The following ADGRV1 variants were observed in gnomAD, a reference collection of about 807,000 sequenced individuals.
ADGRV1 encodes G-protein coupled receptor 98.
A neutral mutation model predicts 596.2 loss-of-function variants in ADGRV1; 359 were observed. The ratio of observed to expected loss-of-function variants is 0.60; its 90% CI spans 0.55 to 0.66. ADGRV1 has a LOEUF of 0.66. Among genes scored for constraint, ADGRV1 ranks in the 30% least tolerant of loss-of-function variants. The probability of loss-of-function intolerance (pLI) is 0.00; values close to 1 mark genes in which losing one functional copy is unlikely to be tolerated. For missense variants in ADGRV1, 7,274 were observed against 7,575.6 expected, an observed-to-expected ratio of 0.96 and a Z score of 1.48; for synonymous variants, 2,681 against 2,679.2, an observed-to-expected ratio of 1.00 and a Z score of -0.02.
chr5:90,657,896 T>C lies in ADGRV1; in HGVS notation c.4379-9T>C. ...GTATTGTAGCATTTAAACTTGTCTCTAATTTCAGGTCCTGGGATACTGAGA... is the reference window on the plus strand; with the variant it reads ...GTATTGTAGCATTTAAACTTGTCTCCAATTTCAGGTCCTGGGATACTGAGA... On this transcript the variant is annotated splice_polypyrimidine_tract_variant and intron_variant, in intron 20 of 89. Coordinates refer to ENST00000405460, the MANE Select transcript of ADGRV1 (RefSeq NM_032119.4). 6.3e-7 allele frequency: 1 copy of C among 1,593,676 alleles called. No homozygotes were observed. The highest frequency in any genetic ancestry group is 8.6e-7 in the Non-Finnish European group (1 of 1,167,462).
In ADGRV1 at chr5:90,643,052, T is replaced by A. The variant is rs73181640; in HGVS notation, c.2553+11T>A. On this transcript the variant is annotated intron_variant, in intron 13 of 89. Coordinates refer to ENST00000405460, the MANE Select transcript of ADGRV1 (RefSeq NM_032119.4). ...GATGGGATACCAGAGGTATGGGATT[T>A]TATATTTTCTTTGTGTTTCTCTGTA... The A allele has an allele frequency of 3.6e-3, 5,843 of 1,602,940 alleles. 63 individuals are homozygous for A. The highest frequency in any genetic ancestry group is 0.032 in the Middle Eastern group (191 of 6,042).
At chr5:90,651,309 G>T (rs1425202081) in intron 17 of ADGRV1, among the ~76,000 whole-genome samples, 1 of 152,138 alleles carries the variant, frequency 6.6e-6, no homozygotes, top group East Asian at 1.9e-4. Context: ...AGAAAAGTGT[G>T]TTTTTCAATA....
intron 77 of ADGRV1, among the ~76,000 whole-genome samples, chr5:90,831,628 C>T (rs572538792): frequency 2.0e-5 from 3 of 151,986 alleles, no homozygotes; most frequent in South Asian, 4.2e-4. Context: ...TGACTATAGT[C>T]GTGCTGTTGT....
intron 85 of ADGRV1, among the ~76,000 whole-genome samples, chr5:91,037,949 T>G (rs1440817122): frequency 6.6e-6 from 1 of 152,208 alleles, no homozygotes; most frequent in African/African-American, 2.4e-5. Context: ...TTATTAAAAT[T>G]ATTGTCCAAA....
In ADGRV1 at chr5:90,761,680, C is replaced by T. The variant is rs192262681; in HGVS notation, c.12121-1625C>T. On this transcript the variant is annotated intron_variant, in intron 58 of 89. Transcript: ENST00000405460. ...GCACACTTGTTCTGGGAAATAATAT[C>T]GTTACAGCTACAAATTTTCAATTTG... Among the ~76,000 whole-genome samples, 11 of 152,242 alleles carry T rather than the reference C, an allele frequency of 7.2e-5. No homozygotes were observed. The East Asian group carries it at 1.9e-3, about 27-fold the overall frequency.
intron 85 of ADGRV1, among the ~76,000 whole-genome samples, chr5:91,030,531 A>G (rs564073954): frequency 1.3e-5 from 2 of 151,464 alleles, no homozygotes; most frequent in East Asian, 1.9e-4. Context: ...TGGTCTAGCC[A>G]TGTTTTCTAT....
chr5:90,898,149 G>A (rs2150620445), intron 83 of ADGRV1, among the ~76,000 whole-genome samples: 1 of 152,256 alleles, frequency 6.6e-6, no homozygotes, highest in African/African-American at 2.4e-5. Flanking sequence ...ACATTTATAT[G>A]TATTAATCCC....
At chr5:90,627,147 C>T in intron 6 of ADGRV1, 64 bp from the exon 7 acceptor site, 1 of 859,298 alleles carries the variant, frequency 1.2e-6, no homozygotes. Context: ...ACTTGTTACA[C>T]TTTAGTTTAT....
chr5:91,069,964 C>G (rs1039370920), intron 85 of ADGRV1, among the ~76,000 whole-genome samples: 3 of 149,644 alleles, frequency 2.0e-5, no homozygotes, highest in Admixed American at 6.6e-5. Context: ...TCCTTTGCGA[C>G]AGCATGGATG....
At chr5:91,046,710 A>G (rs1036282390) in intron 85 of ADGRV1, among the ~76,000 whole-genome samples, 6 of 152,218 alleles carry the variant, frequency 3.9e-5, no homozygotes, top group African/African-American at 1.4e-4. Flanking sequence ...AGAAGGAACA[A>G]TCAGTGGAGT....
intron 1 of ADGRV1, among the ~76,000 whole-genome samples, chr5:90,591,589 G>A (rs1470349874): frequency 1.3e-5 from 2 of 152,086 alleles, no homozygotes; most frequent in Non-Finnish European, 2.9e-5. Flanking sequence ...CTAAAGGAAA[G>A]GCATAATTGC....
intron 85 of ADGRV1, among the ~76,000 whole-genome samples, chr5:91,065,555 T>C (rs776344834): frequency 1.1e-4 from 16 of 152,220 alleles, no homozygotes; most frequent in Non-Finnish European, 2.1e-4. Context: ...CCAGTATTTT[T>C]AGTGGTTGTA....
chr5:90,973,809 T>A (rs187438186), intron 84 of ADGRV1, among the ~76,000 whole-genome samples: 2,498 of 152,252 alleles, frequency 0.016, 66 homozygotes, highest in African/African-American at 0.056. Flanking sequence ...GGATGCCCTC[T>A]CTCACCACTC....
At chr5:90,957,973 T>G (rs750548223) in intron 83 of ADGRV1, among the ~76,000 whole-genome samples, 7 of 151,870 alleles carry the variant, frequency 4.6e-5, no homozygotes, top group Non-Finnish European at 8.8e-5. Context: ...AAGGATGACT[T>G]AAAATTCAAA....
At chr5:90,683,459 G>A in intron 27 of ADGRV1, 127 bp from the exon 28 acceptor site, 1 of 731,582 alleles carries the variant, frequency 1.4e-6, no homozygotes, top group Non-Finnish European at 2.2e-6. Flanking sequence ...GCCTGCAGCA[G>A]TCTTGTAGTC....
At chr5:90,848,050 C>CT (rs1315833919) in intron 78 of ADGRV1, among the ~76,000 whole-genome samples, 4 of 152,056 alleles carry the variant, frequency 2.6e-5, no homozygotes, top group Non-Finnish European at 5.9e-5. Context: ...ATTTTTCCTC[C>CT]TTTTTTCCCC....
Position 90,791,166 on chromosome 5 carries a change from T to C in ADGRV1, c.14337T>C (p.Leu4779=). 6.2e-7 allele frequency: 1 copy of C among 1,613,988 alleles called. No homozygotes were observed. Among genetic ancestry groups the C allele is most frequent in the Non-Finnish European group, 8.5e-7 (1 of 1,179,888 alleles). ...DRQSILIGQN[L]IRSIQINITR... is the part of the protein sequence containing the mutation. The stretch of plus-strand genomic sequence containing the variant: ...AGTCAATACTTATTGGGCAGAACCT[T>C]ATTAGATCCATCCAAATTAACATAA... The change falls in exon 70 of 90, where the codon CTT becomes CTC. Residue 4779 remains leucine, a synonymous_variant. Coordinates refer to ENST00000405460, the MANE Select transcript of ADGRV1 (RefSeq NM_032119.4).
intron 83 of ADGRV1, among the ~76,000 whole-genome samples, chr5:90,905,909 C>T (rs958140217): frequency 2.0e-5 from 3 of 151,904 alleles, no homozygotes; most frequent in African/African-American, 7.2e-5. Flanking sequence ...TTTAATTCTA[C>T]ATCCAGTTTT....
chr5:90,635,024 G>A (rs1247971228), intron 9 of ADGRV1, 90 bp from the exon 10 acceptor site: 7 of 743,300 alleles, frequency 9.4e-6, no homozygotes, highest in East Asian at 8.1e-5. Context: ...CTCTACCTAC[G>A]CTTACTTTGT....
Sources: allele counts gnomAD v4.1 joint callset (sites outside exome capture counted in the v4.1 genomes callset), GRCh38; gene constraint gnomAD v4.1.1; transcripts MANE v1.5; gene names NCBI Gene and HGNC (gene_info 2026-07-23, HGNC 2026-07-21).